PCDH11X: variants seen among roughly 807,000 people sequenced by gnomAD.
The protein encoded by PCDH11X is protocadherin-11 X-linked.
In PCDH11X, 18 loss-of-function variants were observed where a neutral mutation model predicts 53.3. The observed-to-expected ratio is 0.34, with a 90% CI of 0.23 to 0.50. The LOEUF is 0.50. Ranked by LOEUF, PCDH11X falls within the 20% of genes least tolerant of loss-of-function variation. PCDH11X has a pLI of 0.98. For synonymous variants in PCDH11X, 279 were observed against 393.3 expected (o/e 0.71, Z 3.44); for missense variants, 570 against 1,032.4 (o/e 0.55, Z 6.14).
rs1388380336 is a variant in PCDH11X, at chrX:92,409,935, A to G, written c.3343+22002A>G. On this transcript the variant is annotated intron_variant, in intron 9 of 10. Coordinates refer to ENST00000682573, the MANE Select transcript of PCDH11X (RefSeq NM_032968.5). The stretch of plus-strand genomic sequence containing the variant: ...TGTGAAATATTTAGCTTTCCAAAGA[A>G]CTTTAAAGCCTATTTTTTTAGCATT... Among the ~76,000 whole-genome samples the G allele has an allele frequency of 8.0e-5, 9 of 111,973 alleles. No individual in the cohort carries two copies. In the Admixed American group the frequency reaches 8.6e-4, roughly 11 times the overall value.
chrX:92,139,273 T>TTTTTTTC (rs1569381875), intron 6 of PCDH11X, among the ~76,000 whole-genome samples: 3 of 92,115 alleles, frequency 3.3e-5, no homozygotes, highest in African/African-American at 1.3e-4. Context: ...TTTCTTTCTT[T>TTTTTTTC]TTTTTTTTTT....
chrX:91,864,146 G>A (rs1456747105), intron 5 of PCDH11X, among the ~76,000 whole-genome samples: 1 of 111,463 alleles, frequency 9.0e-6, no homozygotes, highest in African/African-American at 3.3e-5. Context: ...TGTGTTTGAA[G>A]TACTCCCTTT....
chrX:92,341,542 A>G (rs2069759506), intron 8 of PCDH11X, among the ~76,000 whole-genome samples: 1 of 111,434 alleles, frequency 9.0e-6, no homozygotes, highest in Admixed American at 9.6e-5. Context: ...GGGAGCCCTC[A>G]GGAAATTTAC....
At chrX:92,317,461 T>C (rs1335843658) in intron 8 of PCDH11X, among the ~76,000 whole-genome samples, 1 of 111,406 alleles carries the variant, frequency 9.0e-6, no homozygotes. Flanking sequence ...TTTGTAATGC[T>C]GCTTCTCAAT....
At chrX:92,387,441 A>T (rs1402401293) in intron 8 of PCDH11X, among the ~76,000 whole-genome samples, 1 of 112,394 alleles carries the variant, frequency 8.9e-6, no homozygotes, top group Non-Finnish European at 1.9e-5. Flanking sequence ...TGGAATTTCC[A>T]GTTTGCTCAA....
At chrX:92,412,258 A>G (rs2071693221) in intron 9 of PCDH11X, among the ~76,000 whole-genome samples, 1 of 107,701 alleles carries the variant, frequency 9.3e-6, no homozygotes, top group Middle Eastern at 4.9e-3. Context: ...TTTACATGGG[A>G]TAATAGTTCA....
intron 6 of PCDH11X, among the ~76,000 whole-genome samples, chrX:91,984,749 C>G (rs905732719): frequency 2.7e-5 from 3 of 111,583 alleles, no homozygotes; most frequent in East Asian, 5.6e-4. Context: ...TCCCGCCCCC[C>G]ATCCAGAGAC....
chrX:91,978,383 T>C (rs951896995), intron 6 of PCDH11X, among the ~76,000 whole-genome samples: 1 of 105,904 alleles, frequency 9.4e-6, no homozygotes, highest in Non-Finnish European at 2.0e-5. Flanking sequence ...AGGTTGATTG[T>C]TTTTCTGGGC....
chrX:91,817,192 G>T (rs1936481798), intron 4 of PCDH11X, among the ~76,000 whole-genome samples: 1 of 106,216 alleles, frequency 9.4e-6, no homozygotes, highest in African/African-American at 3.4e-5. Flanking sequence ...TCTATTTTAA[G>T]ATGCTATTTA....
intron 6 of PCDH11X, among the ~76,000 whole-genome samples, chrX:92,132,523 G>A (rs75579370): frequency 3.7e-4 from 35 of 95,305 alleles, no homozygotes; most frequent in Middle Eastern, 6.4e-3. Flanking sequence ...CAGGAGAATC[G>A]CTTGAACCCG....
chrX:92,277,256 C>T (rs936059646), intron 8 of PCDH11X, among the ~76,000 whole-genome samples: 8 of 110,761 alleles, frequency 7.2e-5, no homozygotes, highest in Non-Finnish European at 1.5e-4. Flanking sequence ...TAAAAGAATG[C>T]CTGGATGTCA....
intron 8 of PCDH11X, among the ~76,000 whole-genome samples, chrX:92,320,735 G>T (rs1335739472): frequency 9.0e-6 from 1 of 111,416 alleles, no homozygotes; most frequent in Non-Finnish European, 1.9e-5. Flanking sequence ...AGCCTGTAAG[G>T]GGTCCATCCT....
intron 10 of PCDH11X, among the ~76,000 whole-genome samples, chrX:92,530,976 A>G (rs967067664): frequency 1.8e-5 from 2 of 109,403 alleles, no homozygotes; most frequent in African/African-American, 3.3e-5. Flanking sequence ...CATTATTTTC[A>G]AAAATTACAA....
At chrX:91,850,896 A>T in intron 5 of PCDH11X, among the ~76,000 whole-genome samples, 1 of 111,234 alleles carries the variant, frequency 9.0e-6, no homozygotes, top group Non-Finnish European at 1.9e-5. Flanking sequence ...CTAACTGTAT[A>T]CTGTTGAAGC....
chrX:92,611,253 T>C (rs1206486013), intron 10 of PCDH11X, among the ~76,000 whole-genome samples: 2 of 111,103 alleles, frequency 1.8e-5, no homozygotes, highest in African/African-American at 6.5e-5. Flanking sequence ...TTTCATTTGT[T>C]TGTGTCATCT....
chrX:92,515,067 A>G (rs1185572393), intron 10 of PCDH11X, among the ~76,000 whole-genome samples: 1 of 101,714 alleles, frequency 9.8e-6, no homozygotes, highest in Non-Finnish European at 2.0e-5. Context: ...AAAAAAAGAA[A>G]AGAAAAGAAT....
intron 7 of PCDH11X, among the ~76,000 whole-genome samples, chrX:92,261,076 T>C (rs752011879): frequency 3.1e-4 from 34 of 111,265 alleles, no homozygotes; most frequent in Non-Finnish European, 6.2e-4. Context: ...GCATTGATTT[T>C]TTTTTTAATG....
rs1338497436 is a variant in PCDH11X at position 92,336,648 on chromosome X, A to G, written c.3145-51087A>G. Among the ~76,000 whole-genome samples, 4 of 111,661 alleles carry G rather than the reference A, an allele frequency of 3.6e-5. No homozygotes were observed. In the Admixed American group the frequency reaches 3.8e-4, roughly 11 times the overall value. On this transcript the variant is annotated intron_variant, in intron 8 of 10. Transcript: ENST00000682573. ...CCACATATGCTGTAGTGGAAACTGT[A>G]TGCTGCACAGTTACTTGACCTCAAA...
At chrX:92,545,175 T>A (rs1281713270) in intron 10 of PCDH11X, among the ~76,000 whole-genome samples, 1 of 111,018 alleles carries the variant, frequency 9.0e-6, no homozygotes, top group Non-Finnish European at 1.9e-5. Context: ...GATTAGCAAG[T>A]AAGTTTTGTG....
Sources: gnomAD v4.1 joint callset for allele counts (sites outside exome capture counted in the v4.1 genomes callset) on GRCh38, gnomAD v4.1.1 for gene constraint, MANE v1.5 for transcripts, NCBI Gene and HGNC (gene_info 2026-07-23, HGNC 2026-07-21) for gene names.